STAU2: variants seen among roughly 807,000 people sequenced by gnomAD.
STAU2 encodes the protein staufen double-stranded RNA binding protein 2.
Under a neutral mutation model 65.9 loss-of-function variants are expected in STAU2, and 20 were observed. The ratio of observed to expected loss-of-function variants is 0.30; its 90% CI spans 0.21 to 0.44. The LOEUF (loss-of-function observed/expected upper bound fraction) is 0.44. Ranked by LOEUF, STAU2 falls within the 20% of genes least tolerant of loss-of-function variation. The pLI is 1.00. For missense variants in STAU2, 558 were observed against 683.9 expected, an observed-to-expected ratio of 0.82 and a Z score of 2.05; for synonymous variants, 232 against 233.9, an observed-to-expected ratio of 0.99 and a Z score of 0.07.
At chr8:73,565,006 T>A (rs1237834344) in intron 12 of STAU2, among the ~76,000 whole-genome samples, 2 of 152,208 alleles carry the variant, frequency 1.3e-5, no homozygotes, top group Non-Finnish European at 2.9e-5. Flanking sequence ...CCTAAGCTGC[T>A]AGGATAGGCT....
intron 13 of STAU2, among the ~76,000 whole-genome samples, chr8:73,532,916 A>C (rs2128933946): frequency 6.6e-6 from 1 of 152,290 alleles, no homozygotes; most frequent in East Asian, 1.9e-4. Flanking sequence ...CCCCTTCCAC[A>C]GCTTCAAGAT....
At chr8:73,479,711 A>ATACG (rs1194512252) in intron 13 of STAU2, among the ~76,000 whole-genome samples, 1 of 46,276 alleles carries the variant, frequency 2.2e-5, no homozygotes, top group African/African-American at 8.0e-5. Flanking sequence ...ACTTAAATAT[A>ATACG]CGTGTGTGTG....
chr8:73,507,191 C>T (rs545331090), intron 13 of STAU2, among the ~76,000 whole-genome samples: 1 of 150,658 alleles, frequency 6.6e-6, no homozygotes, highest in South Asian at 2.1e-4. Context: ...TTCCAGAAGG[C>T]TTCCAATTTA....
Position 73,565,020 on chromosome 8 carries a change from A to C in STAU2, c.1223-12701T>G, listed in dbSNP as rs560172671. Among the ~76,000 whole-genome samples, 19 of 152,356 alleles carry C rather than the reference A, an allele frequency of 1.2e-4. No individual in the cohort carries two copies. In the East Asian group the frequency reaches 3.5e-3, roughly 28 times the overall value. ...CCCTAAGCTGCTAGGATAGGCTCTGACCAACCTCAATCCTGAACTGGAATA... is the reference window on the plus strand; with the variant it reads ...CCCTAAGCTGCTAGGATAGGCTCTGCCCAACCTCAATCCTGAACTGGAATA... On this transcript the variant is annotated intron_variant, in intron 12 of 14. Transcript: ENST00000524300.
At chr8:73,519,340 C>T (rs1021990980) in intron 13 of STAU2, among the ~76,000 whole-genome samples, 21 of 152,072 alleles carry the variant, frequency 1.4e-4, no homozygotes, top group African/African-American at 4.8e-4. Flanking sequence ...AAACCTATGA[C>T]GTCTCTTTAG....
chr8:73,563,576 T>A (rs1450177498), intron 12 of STAU2, among the ~76,000 whole-genome samples: 6 of 152,292 alleles, frequency 3.9e-5, no homozygotes, highest in African/African-American at 1.4e-4. Context: ...CTGCAAGGTG[T>A]TACCAGAGAT....
intron 13 of STAU2, among the ~76,000 whole-genome samples, chr8:73,499,218 A>T (rs1161965577): frequency 1.3e-5 from 2 of 151,792 alleles, no homozygotes; most frequent in African/African-American, 4.8e-5. Flanking sequence ...AAAATCAATC[A>T]GTCTCTCCCC....
At chr8:73,746,713 C>T in intron 1 of STAU2, 70 bp downstream of exon 1, 1 of 978,954 alleles carries the variant, frequency 1.0e-6, no homozygotes. Context: ...GGCTCCCCAG[C>T]GCCCTCTGCC....
chr8:73,537,806 T>C (rs1806281656), intron 13 of STAU2, among the ~76,000 whole-genome samples: 1 of 152,236 alleles, frequency 6.6e-6, no homozygotes. Context: ...CCTTTCTCTT[T>C]TTGAAGTTTC....
chr8:73,692,374 T>G (rs1819389459), intron 4 of STAU2, among the ~76,000 whole-genome samples: 1 of 151,878 alleles, frequency 6.6e-6, no homozygotes, highest in Admixed American at 6.6e-5. Context: ...ATTTTTGTAT[T>G]TTTAGTAGAG....
chr8:73,537,770 T>G (rs891570607), intron 13 of STAU2, among the ~76,000 whole-genome samples: 4 of 152,176 alleles, frequency 2.6e-5, no homozygotes, highest in African/African-American at 9.7e-5. Flanking sequence ...AAAAAGAGTA[T>G]GAATATTGGT....
At chr8:73,717,622 T>TTTGTTG (rs75469180) in intron 3 of STAU2, among the ~76,000 whole-genome samples, 4,742 of 150,136 alleles carry the variant, frequency 0.032, 137 homozygotes, top group African/African-American at 0.073. Flanking sequence ...CTATTTGTCT[T>TTTGTTG]TTGTTGTTGT....
intron 12 of STAU2, among the ~76,000 whole-genome samples, chr8:73,574,798 C>G (rs1274446863): frequency 1.3e-5 from 2 of 151,888 alleles, no homozygotes; most frequent in Admixed American, 1.3e-4. Flanking sequence ...AGGAGATATA[C>G]CTAATGTAAA....
At chr8:73,473,635 T>C (rs936227538) in intron 13 of STAU2, among the ~76,000 whole-genome samples, 1 of 151,986 alleles carries the variant, frequency 6.6e-6, no homozygotes, top group African/African-American at 2.4e-5. Context: ...GATCTGAACA[T>C]TGGCCTGGAA....
At chr8:73,497,455 T>TATC (rs56861104) in intron 13 of STAU2, among the ~76,000 whole-genome samples, 63,604 of 151,162 alleles carry the variant, frequency 0.42, 14,337 homozygotes, top group Non-Finnish European at 0.5. Flanking sequence ...CAATAATAAA[T>TATC]ATTGCAATTC....
chr8:73,426,379 C>G (rs1816826722), intron 13 of STAU2, among the ~76,000 whole-genome samples: 1 of 152,150 alleles, frequency 6.6e-6, no homozygotes, highest in Admixed American at 6.5e-5. Context: ...TATAGTCTTT[C>G]TACAGTGGTA....
At position 73,420,993 on chromosome 8, in the gene STAU2, A is replaced by G. The variant is rs1405381284; in HGVS notation, c.*379T>C. 3 of 179,912 alleles carry G rather than the reference A, an allele frequency of 1.7e-5. No individual in the cohort carries two copies. Among genetic ancestry groups the G allele is most frequent in the Non-Finnish European group, 3.5e-5 (3 of 85,536 alleles). 11.1% of individuals were successfully genotyped at this position (179,912 alleles called of 1,614,324 possible). The stretch of plus-strand genomic sequence containing the variant: ...AGAGAGAGAGAGAATATAACTGAAC[A>G]CAAGCACCACGACAAAACAATCATA... On this transcript the variant is annotated 3_prime_UTR_variant, in exon 15 of 15. Transcript: ENST00000524300.
intron 3 of STAU2, among the ~76,000 whole-genome samples, chr8:73,724,653 TTGTG>T (rs369351905): frequency 4.0e-5 from 4 of 100,086 alleles, no homozygotes; most frequent in South Asian, 3.3e-4. Flanking sequence ...GTTCAGTAGG[TTGTG>T]TGTGTGTGTG....
chr8:73,620,068 CTATTT>C lies in STAU2; in HGVS notation c.411-2622_411-2618del, dbSNP rs534844283. On this transcript the variant is annotated intron_variant, in intron 6 of 14. Coordinates refer to ENST00000524300, the MANE Select transcript of STAU2 (RefSeq NM_001164380.2). ...ACTGAAGTGCACAATTTCCTATCAT[CTATTT>C]TATTTTAATCCCTTTAATGCAGAAA... is the stretch of plus-strand genomic sequence containing the variant. Among the ~76,000 whole-genome samples, 215 of 152,238 alleles carry C rather than the reference CTATTT, an allele frequency of 1.4e-3. 1 individual carries two copies. Among genetic ancestry groups the C allele is most frequent in the African/African-American group, 4.9e-3 (203 of 41,562 alleles).
Sources: gnomAD v4.1 joint callset for allele counts (sites outside exome capture counted in the v4.1 genomes callset) on GRCh38, gnomAD v4.1.1 for gene constraint, MANE v1.5 for transcripts, NCBI Gene and HGNC (gene_info 2026-07-23, HGNC 2026-07-21) for gene names.